PRKD1: variants seen among roughly 807,000 people sequenced by gnomAD.
PRKD1 encodes the protein protein kinase D1.
In PRKD1, 63 loss-of-function variants were observed where a neutral mutation model predicts 95.9. The observed-to-expected ratio is 0.66, with a 90% confidence interval of 0.54 to 0.81. The LOEUF (loss-of-function observed/expected upper bound fraction) is 0.81. Among genes scored for constraint, PRKD1 ranks in the 30% least tolerant of loss-of-function variants. PRKD1 has a pLI of 0.00. For synonymous variants in PRKD1, 425 were observed against 423.1 expected (o/e 1.00, Z -0.05); for missense variants, 1,048 against 1,165.3 (o/e 0.90, Z 1.47).
chr14:29,839,007 G>A (rs1399140689), intron 1 of PRKD1, among the ~76,000 whole-genome samples: 1 of 152,062 alleles, frequency 6.6e-6, no homozygotes, highest in Non-Finnish European at 1.5e-5. Context: ...AGAATCAGTA[G>A]TTTACAAATG....
intron 1 of PRKD1, among the ~76,000 whole-genome samples, chr14:29,890,722 C>T (rs1177731076): frequency 6.6e-6 from 1 of 152,052 alleles, no homozygotes; most frequent in African/African-American, 2.4e-5. Flanking sequence ...GAAGAAAGTG[C>T]CTACCTAGTT....
intron 4 of PRKD1, among the ~76,000 whole-genome samples, chr14:29,662,756 C>A (rs2139208292): frequency 6.6e-6 from 1 of 152,040 alleles, no homozygotes; most frequent in East Asian, 1.9e-4. Context: ...ACTCTCCACT[C>A]CAAGAGGGAT....
chr14:29,684,276 G>C (rs974714514), intron 2 of PRKD1, among the ~76,000 whole-genome samples: 4 of 151,350 alleles, frequency 2.6e-5, no homozygotes, highest in Admixed American at 2.0e-4. Context: ...TCAGCCTCCC[G>C]AGTAGCTGGG....
At chr14:29,585,035 C>T (rs991052238) in intron 16 of PRKD1, among the ~76,000 whole-genome samples, 1 of 152,156 alleles carries the variant, frequency 6.6e-6, no homozygotes. Context: ...CCTTCAAGCT[C>T]CTTGCCTTCA....
intron 16 of PRKD1, among the ~76,000 whole-genome samples, chr14:29,578,872 T>A (rs911010964): frequency 6.6e-6 from 1 of 152,128 alleles, no homozygotes; most frequent in African/African-American, 2.4e-5. Context: ...ATGGGTCATA[T>A]CTCATGATAA....
chr14:29,758,822 T>G (rs1323675618), intron 1 of PRKD1, among the ~76,000 whole-genome samples: 1 of 152,248 alleles, frequency 6.6e-6, no homozygotes, highest in Non-Finnish European at 1.5e-5. Context: ...TGTCTCCAGA[T>G]GGAGAACATG....
intron 2 of PRKD1, among the ~76,000 whole-genome samples, chr14:29,710,116 C>A (rs1885269906): frequency 6.6e-6 from 1 of 151,968 alleles, no homozygotes; most frequent in East Asian, 1.9e-4. Flanking sequence ...ATAATAAAGA[C>A]CTAAAATTGG....
chr14:29,728,847 TCCTTAATA>T (rs1886299472), intron 1 of PRKD1, among the ~76,000 whole-genome samples: 1 of 152,162 alleles, frequency 6.6e-6, no homozygotes, highest in Non-Finnish European at 1.5e-5. Context: ...TGTATGTCTA[TCCTTAATA>T]AACTTACCAC....
At chr14:29,721,805 AGTT>A (rs1172023551) in intron 2 of PRKD1, among the ~76,000 whole-genome samples, 4 of 152,142 alleles carry the variant, frequency 2.6e-5, no homozygotes, top group African/African-American at 4.8e-5. Context: ...ACTTTCATGC[AGTT>A]GTTATTTTTT....
At chr14:29,592,260 A>G (rs1050450924) in intron 16 of PRKD1, among the ~76,000 whole-genome samples, 1 of 151,320 alleles carries the variant, frequency 6.6e-6, no homozygotes, top group African/African-American at 2.4e-5. Context: ...ACACTGCCTT[A>G]GGATAGACTG....
chr14:29,602,327 T>C (rs181068246), intron 13 of PRKD1, among the ~76,000 whole-genome samples: 42 of 152,112 alleles, frequency 2.8e-4, no homozygotes, highest in Middle Eastern at 3.4e-3. Context: ...TCTTAGATTC[T>C]GAAAGTTGGA....
chr14:29,624,083 A>T, intron 13 of PRKD1, 69 bp downstream of exon 13: 3 of 1,109,016 alleles, frequency 2.7e-6, no homozygotes, highest in Non-Finnish European at 3.9e-6. Flanking sequence ...GAGAAAATTT[A>T]TTTGCTTTGC....
chr14:29,703,933 A>G (rs1298676965), intron 2 of PRKD1, among the ~76,000 whole-genome samples: 1 of 152,230 alleles, frequency 6.6e-6, no homozygotes, highest in Non-Finnish European at 1.5e-5. Context: ...ATTCTGAAGT[A>G]AAAACATCAG....
intron 4 of PRKD1, among the ~76,000 whole-genome samples, chr14:29,654,211 AC>A (rs1881700518): frequency 6.6e-6 from 1 of 151,908 alleles, no homozygotes; most frequent in Non-Finnish European, 1.5e-5. Context: ...TCATTCTATC[AC>A]CCAGGCTGGA....
intron 4 of PRKD1, among the ~76,000 whole-genome samples, chr14:29,653,468 A>T (rs891190634): frequency 1.3e-5 from 2 of 152,162 alleles, no homozygotes; most frequent in African/African-American, 2.4e-5. Flanking sequence ...TTTTAAAAAA[A>T]ATCCATAATG....
At chr14:29,633,158 G>A (rs569612598) in intron 8 of PRKD1, among the ~76,000 whole-genome samples, 6 of 152,260 alleles carry the variant, frequency 3.9e-5, no homozygotes, top group South Asian at 2.1e-4. Context: ...TTACAGGGTC[G>A]TGAGTAATAA....
At chr14:29,603,991 T>C (rs1479432551) in intron 13 of PRKD1, among the ~76,000 whole-genome samples, 1 of 152,174 alleles carries the variant, frequency 6.6e-6, no homozygotes, top group Non-Finnish European at 1.5e-5. Context: ...GGAGGAAATA[T>C]CGTTTGTAGA....
At chr14:29,632,841 A>G in intron 9 of PRKD1, 28 bp downstream of exon 9, 1 of 1,561,482 alleles carries the variant, frequency 6.4e-7, no homozygotes, top group Non-Finnish European at 8.8e-7. Flanking sequence ...AAGAGGTATG[A>G]AACTACAAAG....
chr14:29,685,823 A>T (rs1426396595), intron 2 of PRKD1, among the ~76,000 whole-genome samples: 1 of 152,082 alleles, frequency 6.6e-6, no homozygotes, highest in Non-Finnish European at 1.5e-5. Flanking sequence ...TATGCTTAGG[A>T]AAAAAACATT....
Sources: gnomAD v4.1 joint callset for allele counts (sites outside exome capture counted in the v4.1 genomes callset) on GRCh38, gnomAD v4.1.1 for gene constraint, MANE v1.5 for transcripts, NCBI Gene and HGNC (gene_info 2026-07-23, HGNC 2026-07-21) for gene names.